The following DYM variants were observed in gnomAD, a reference collection of about 807,000 sequenced individuals.
DYM encodes dyggve-Melchior-Clausen syndrome protein.
In DYM, 78 loss-of-function variants were observed where a neutral mutation model predicts 93.1. The observed-to-expected ratio is 0.84, with a 90% confidence interval of 0.70 to 1.01. The LOEUF is 1.01. Ranked by LOEUF, DYM falls within the 50% of genes least tolerant of loss-of-function variation. The pLI is 0.00. For synonymous variants in DYM, 321 were observed against 319.7 expected, an observed-to-expected ratio of 1.00 and a Z score of -0.04; for missense variants, 789 against 845.0, an observed-to-expected ratio of 0.93 and a Z score of 0.82.
At chr18:49,170,695 C>A (rs1444996034) in intron 14 of DYM, among the ~76,000 whole-genome samples, 1 of 134,214 alleles carries the variant, frequency 7.5e-6, no homozygotes, top group African/African-American at 2.7e-5. Context: ...CAGGAGAATT[C>A]TTGAACCTGG....
chr18:49,352,335 G>T (rs1444269793), intron 6 of DYM, among the ~76,000 whole-genome samples: 1 of 152,178 alleles, frequency 6.6e-6, no homozygotes, highest in Non-Finnish European at 1.5e-5. Flanking sequence ...ATTAATTGTA[G>T]AAGTTAGAAA....
In DYM at chr18:49,430,423, T is replaced by G. The variant is rs750145759; in HGVS notation, c.-29A>C. 6.2e-7 allele frequency: 1 copy of G among 1,611,566 alleles called. No individual in the cohort carries two copies. Among genetic ancestry groups the G allele is most frequent in the Non-Finnish European group, 8.5e-7 (1 of 1,179,878 alleles). ...CTAGCTTAAGCAGATAATTTGTCCT[T>G]AAACCTGCATTTCCAAAAGACAACC... On this transcript the variant is annotated 5_prime_UTR_variant, in exon 2 of 18. An upstream open reading frame in the 5' UTR loses its in-frame stop. Transcript: ENST00000675505.
intron 8 of DYM, among the ~76,000 whole-genome samples, chr18:49,312,187 G>C (rs969379599): frequency 6.6e-6 from 1 of 152,172 alleles, no homozygotes; most frequent in African/African-American, 2.4e-5. Context: ...TGTGAGAGCA[G>C]CAGGAGGCAG....
At chr18:49,135,581 T>C (rs1223680882) in intron 15 of DYM, among the ~76,000 whole-genome samples, 1 of 152,210 alleles carries the variant, frequency 6.6e-6, no homozygotes, top group Non-Finnish European at 1.5e-5. Context: ...AAAGCAATGG[T>C]AATAACAAAT....
Position 49,377,766 on chromosome 18 carries a change from G to A in DYM, c.421+801C>T, listed in dbSNP as rs191027485. 1.3e-3 allele frequency among the ~76,000 whole-genome samples: 203 copies of A among 152,214 alleles called. 1 individual carries two copies. Among genetic ancestry groups the A allele is most frequent in the African/African-American group, 4.5e-3 (188 of 41,544 alleles). The stretch of plus-strand genomic sequence containing the variant: ...TTAGCAACACAGTTGAAACCACAGT[G>A]AAAAATTACTCCTAGGTATATGAAA... On this transcript the variant is annotated intron_variant, in intron 5 of 17. Coordinates refer to ENST00000675505, the MANE Select transcript of DYM (RefSeq NM_001353214.3).
chr18:49,260,399 G>A (rs1390083455), intron 11 of DYM, among the ~76,000 whole-genome samples: 2 of 152,184 alleles, frequency 1.3e-5, no homozygotes, highest in African/African-American at 4.8e-5. Context: ...AATTTGTGAT[G>A]TGAAGGACCA....
intron 8 of DYM, among the ~76,000 whole-genome samples, chr18:49,291,895 T>C (rs1370882276): frequency 6.6e-6 from 1 of 152,186 alleles, no homozygotes; most frequent in Non-Finnish European, 1.5e-5. Context: ...ATTTGTGTTG[T>C]TTATTTGTAT....
intron 8 of DYM, among the ~76,000 whole-genome samples, chr18:49,303,685 C>A (rs1333267096): frequency 6.6e-6 from 1 of 152,160 alleles, no homozygotes; most frequent in East Asian, 1.9e-4. Flanking sequence ...TGTTCCACTG[C>A]CCAATTCTGA....
intron 15 of DYM, among the ~76,000 whole-genome samples, chr18:49,123,858 TTC>T (rs910356447): frequency 6.6e-6 from 1 of 152,190 alleles, no homozygotes; most frequent in Non-Finnish European, 1.5e-5. Context: ...AGCTTCAGAA[TTC>T]TCTCTCACGG....
chr18:49,272,340 T>A, intron 10 of DYM, 37 bp from the exon 11 acceptor site: 1 of 1,277,842 alleles, frequency 7.8e-7, no homozygotes, highest in Non-Finnish European at 1.1e-6. Context: ...ATTTCAATAC[T>A]TCATTATAAA....
intron 8 of DYM, among the ~76,000 whole-genome samples, chr18:49,322,991 A>G (rs1468208097): frequency 2.6e-5 from 4 of 152,208 alleles, no homozygotes; most frequent in African/African-American, 9.6e-5. Context: ...TCTACCTAAC[A>G]CAAACATCTA....
chr18:49,268,348 T>C (rs2094606458), intron 11 of DYM, among the ~76,000 whole-genome samples: 1 of 152,196 alleles, frequency 6.6e-6, no homozygotes, highest in South Asian at 2.1e-4. Flanking sequence ...AACAAGTGTT[T>C]CAATATTTGA....
intron 1 of DYM, among the ~76,000 whole-genome samples, chr18:49,453,689 T>C (rs1485382350): frequency 6.6e-6 from 1 of 152,324 alleles, no homozygotes; most frequent in East Asian, 1.9e-4. Context: ...TTCATTGTTG[T>C]AGAATTTGCT....
intron 2 of DYM, among the ~76,000 whole-genome samples, chr18:49,399,152 A>T (rs12456058): frequency 0.092 from 13,963 of 152,246 alleles, 863 homozygotes; most frequent in East Asian, 0.31. Flanking sequence ...GCAGACAGAC[A>T]GTTCAGTACA....
chr18:49,149,097 A>G (rs564779348), intron 15 of DYM, among the ~76,000 whole-genome samples: 1 of 152,140 alleles, frequency 6.6e-6, no homozygotes, highest in Non-Finnish European at 1.5e-5. Flanking sequence ...GATTCTCATA[A>G]GGCATGTGTA....
At chr18:49,384,464 A>G (rs1373715723) in intron 3 of DYM, among the ~76,000 whole-genome samples, 2 of 151,900 alleles carry the variant, frequency 1.3e-5, no homozygotes, top group African/African-American at 4.8e-5. Flanking sequence ...CATCTCTACT[A>G]AAAATACAAA....
intron 8 of DYM, among the ~76,000 whole-genome samples, chr18:49,312,755 G>A (rs922967017): frequency 1.3e-5 from 2 of 152,106 alleles, no homozygotes; most frequent in Non-Finnish European, 2.9e-5. Flanking sequence ...ACCCAGGCGG[G>A]GCATCACCAC....
At chr18:49,079,278 G>C (rs1163021603) in intron 17 of DYM, among the ~76,000 whole-genome samples, 1 of 152,232 alleles carries the variant, frequency 6.6e-6, no homozygotes, top group East Asian at 1.9e-4. Context: ...GTTCGTCTTG[G>C]GGTAGAAAAC....
At chr18:49,431,997 C>G (rs1568434853) in intron 1 of DYM, 1 of 152,292 alleles carries the variant, frequency 6.6e-6, no homozygotes. Context: ...TTCAATTAAG[C>G]CTCTATATTA....
Sources: gnomAD v4.1 joint callset for allele counts (sites outside exome capture counted in the v4.1 genomes callset) on GRCh38, gnomAD v4.1.1 for gene constraint, MANE v1.5 for transcripts, NCBI Gene and HGNC (gene_info 2026-07-23, HGNC 2026-07-21) for gene names.